HPSE2: variants seen among roughly 807,000 people sequenced by gnomAD.
HPSE2 encodes heparanase 2 (inactive).
HPSE2 carries 38 observed loss-of-function variants against 60.5 expected under a neutral mutation model. That is an observed-to-expected ratio of 0.63 (90% CI 0.48 to 0.82). The LOEUF (loss-of-function observed/expected upper bound fraction) is 0.82. Ranked by LOEUF, HPSE2 falls within the 40% of genes least tolerant of loss-of-function variation. The pLI is 0.00. For synonymous variants in HPSE2, 295 were observed against 293.2 expected (o/e 1.01, Z -0.06); for missense variants, 713 against 740.4 (o/e 0.96, Z 0.43).
At chr10:99,159,561 T>C (rs1381634227) in intron 2 of HPSE2, among the ~76,000 whole-genome samples, 1 of 152,228 alleles carries the variant, frequency 6.6e-6, no homozygotes. Flanking sequence ...TTAACTTTTC[T>C]GTACAACTTC....
intron 8 of HPSE2, 26 bp from the exon 9 acceptor site, chr10:98,615,044 A>G (rs371660725): frequency 1.1e-4 from 161 of 1,515,132 alleles, no homozygotes; most frequent in Middle Eastern, 1.7e-4. Context: ...AAAGAGCTAC[A>G]TCAATATATT....
chr10:99,076,408 TAC>T (rs1842952912), intron 3 of HPSE2, among the ~76,000 whole-genome samples: 2 of 152,304 alleles, frequency 1.3e-5, no homozygotes, highest in South Asian at 4.1e-4. Context: ...TTCTTTTTGA[TAC>T]ATAGTTTTGC....
intron 4 of HPSE2, among the ~76,000 whole-genome samples, chr10:98,738,208 C>G (rs1305937912): frequency 6.6e-6 from 1 of 152,062 alleles, no homozygotes; most frequent in Non-Finnish European, 1.5e-5. Context: ...CTTTGATAAA[C>G]CTGACAAAAA....
intron 3 of HPSE2, among the ~76,000 whole-genome samples, chr10:98,915,677 C>A (rs1190695178): frequency 6.6e-6 from 1 of 152,154 alleles, no homozygotes; most frequent in Admixed American, 6.6e-5. Context: ...TGCTTTTCCT[C>A]TGTGAAAACT....
At chr10:98,559,080 G>A (rs1408956146) in intron 9 of HPSE2, among the ~76,000 whole-genome samples, 1 of 152,144 alleles carries the variant, frequency 6.6e-6, no homozygotes, top group African/African-American at 2.4e-5. Context: ...TGGCCAGGCT[G>A]GAGTGCAGTG....
At chr10:98,909,020 T>C (rs951478655) in intron 3 of HPSE2, among the ~76,000 whole-genome samples, 2 of 152,172 alleles carry the variant, frequency 1.3e-5, no homozygotes, top group African/African-American at 4.8e-5. Flanking sequence ...AATCTATGTG[T>C]GGTCTTCCAC....
At chr10:99,234,481 G>A (rs1484742298) in intron 1 of HPSE2, among the ~76,000 whole-genome samples, 1 of 152,232 alleles carries the variant, frequency 6.6e-6, no homozygotes, top group African/African-American at 2.4e-5. Flanking sequence ...GGAACCCACA[G>A]CTGAGGCTCC....
intron 3 of HPSE2, among the ~76,000 whole-genome samples, chr10:98,890,274 T>C (rs1027896691): frequency 6.6e-6 from 1 of 152,114 alleles, no homozygotes; most frequent in Non-Finnish European, 1.5e-5. Flanking sequence ...ACTTGATAAT[T>C]TGTGGTATCA....
At chr10:99,013,405 T>G (rs190898946) in intron 3 of HPSE2, 2 of 540,798 alleles carry the variant, frequency 3.7e-6, no homozygotes, top group African/African-American at 1.9e-5. Context: ...AGTAAGTGTT[T>G]CAGGAAGAAC....
intron 4 of HPSE2, among the ~76,000 whole-genome samples, chr10:98,734,640 G>T (rs1949305435): frequency 6.6e-6 from 1 of 151,982 alleles, no homozygotes; most frequent in Non-Finnish European, 1.5e-5. Context: ...GTACTTGCTT[G>T]TCATTTGTAT....
At chr10:98,664,477 C>T (rs2134094923) in intron 6 of HPSE2, among the ~76,000 whole-genome samples, 1 of 152,186 alleles carries the variant, frequency 6.6e-6, no homozygotes, top group Middle Eastern at 3.4e-3. Flanking sequence ...GCAAAGGAAA[C>T]GTGGGCACAG....
chr10:99,232,214 T>TGCATACACACACAC lies in HPSE2; in HGVS notation c.448+133_448+134insGTGTGTGTGTATGC, dbSNP rs766277741. ...ATCTGCCCCAACGCGCGCGCGCGCA[T>TGCATACACACACAC]ACACACACACACACACACACACACA... On this transcript the variant is annotated intron_variant, in intron 2 of 11. Transcript: ENST00000370552. 4.7e-4 allele frequency: 419 copies of TGCATACACACACAC among 898,340 alleles called. 5 individuals carry two copies. The African/African-American group carries it at 6.6e-3, about 14-fold the overall frequency. The allele number at this position is 898,340 out of a possible 1,614,324, so 55.6% of individuals were successfully genotyped here.
At chr10:99,297,852 T>C in the HPSE2 span, among the ~76,000 whole-genome samples, 2 of 152,080 alleles carry the variant, frequency 1.3e-5, no homozygotes, top group South Asian at 2.1e-4. Flanking sequence ...TCCAGATGCT[T>C]TGGGGTATTT....
chr10:98,781,699 T>A (rs1446115900), intron 3 of HPSE2, among the ~76,000 whole-genome samples: 1 of 151,760 alleles, frequency 6.6e-6, no homozygotes, highest in Non-Finnish European at 1.5e-5. Context: ...ATATCCAATA[T>A]TAATGAGGAA....
chr10:99,294,958 A>AAC, the HPSE2 span, among the ~76,000 whole-genome samples: 52 of 152,172 alleles, frequency 3.4e-4, no homozygotes, highest in Non-Finnish European at 6.5e-4. Context: ...TCAGTCTCAA[A>AAC]ACACACACAC....
intron 3 of HPSE2, among the ~76,000 whole-genome samples, chr10:99,066,618 G>A (rs534781009): frequency 1.6e-4 from 25 of 152,212 alleles, no homozygotes; most frequent in Middle Eastern, 3.4e-3. Flanking sequence ...ATTAGATCTC[G>A]TCAGACTTAT....
chr10:98,759,455 G>A (rs562690172), intron 3 of HPSE2, among the ~76,000 whole-genome samples: 20 of 152,066 alleles, frequency 1.3e-4, no homozygotes, highest in African/African-American at 4.6e-4. Context: ...CATCCATTTT[G>A]AATTAAATTT....
At chr10:98,954,725 T>A (rs938594580) in intron 3 of HPSE2, among the ~76,000 whole-genome samples, 2 of 151,990 alleles carry the variant, frequency 1.3e-5, no homozygotes, top group African/African-American at 4.8e-5. Flanking sequence ...AATGAAAAAA[T>A]TCCATTTGAT....
intron 9 of HPSE2, among the ~76,000 whole-genome samples, chr10:98,575,991 G>T (rs111677196): frequency 3.3e-4 from 50 of 152,070 alleles, no homozygotes; most frequent in African/African-American, 1.1e-3. Context: ...TATAATTTAG[G>T]TGTTTATTGT....
Sources: allele counts gnomAD v4.1 joint callset (sites outside exome capture counted in the v4.1 genomes callset), GRCh38; gene constraint gnomAD v4.1.1; transcripts MANE v1.5; gene names NCBI Gene and HGNC (gene_info 2026-07-23, HGNC 2026-07-21).